Variants in CARD8 observed in about 807,000 individuals in gnomAD.
The protein encoded by CARD8 is caspase recruitment domain-containing protein 8.
A neutral mutation model predicts 53.2 loss-of-function variants in CARD8; 38 were observed. The observed-to-expected ratio is 0.71, with a 90% CI of 0.55 to 0.94. The LOEUF is 0.94. CARD8 is among the 40% of genes least tolerant of loss of function. The probability of loss-of-function intolerance (pLI) is 0.00; values close to 1 mark genes in which losing one functional copy is unlikely to be tolerated. For synonymous variants in CARD8, 245 were observed against 244.9 expected (o/e 1.00, Z 0.00); for missense variants, 561 against 655.5 (o/e 0.86, Z 1.57).
At chr19:48,234,259 C>T in intron 6 of CARD8, 144 bp downstream of exon 6, 1 of 777,008 alleles carries the variant, frequency 1.3e-6, no homozygotes, top group Admixed American at 3.1e-5. Context: ...TCAAAAATTT[C>T]TGGATTCATT....
In CARD8 at chr19:48,233,738, T is replaced by C. The variant is rs111328743; in HGVS notation, c.350+665A>G. 5.9e-3 allele frequency: 1,123 copies of C among 191,410 alleles called. 11 individuals carry two copies. Among genetic ancestry groups the C allele is most frequent in the African/African-American group, 0.025 (1,067 of 42,364 alleles). 11.9% of individuals were successfully genotyped at this position (191,410 alleles called of 1,614,324 possible). On this transcript the variant is annotated intron_variant, in intron 6 of 13. Transcript: ENST00000651546. ...TTTCAGGGCTTTTGCAACCAAGTTGTTCAACACAACCATTAGTCTAAATTA... is the reference window on the plus strand; with the variant it reads ...TTTCAGGGCTTTTGCAACCAAGTTGCTCAACACAACCATTAGTCTAAATTA...
chr19:48,254,617 G>A (rs2047346687), intron 1 of CARD8, among the ~76,000 whole-genome samples: 1 of 152,114 alleles, frequency 6.6e-6, no homozygotes, highest in Non-Finnish European at 1.5e-5. Flanking sequence ...GCTGGGTGTG[G>A]TGGTGGGCAC....
At chr19:48,221,018 AAGAAAG>A in intron 11 of CARD8, among the ~76,000 whole-genome samples, 2 of 147,140 alleles carry the variant, frequency 1.4e-5, no homozygotes, top group African/African-American at 5.1e-5. Flanking sequence ...AAAAGAAAGA[AAGAAAG>A]AGAGAAAGAG....
intron 12 of CARD8, among the ~76,000 whole-genome samples, chr19:48,218,374 TCAGA>T (rs2039793437): frequency 2.6e-5 from 2 of 76,246 alleles, no homozygotes. Context: ...TTTTTTTTTT[TCAGA>T]TGGAGTTTCG....
intron 5 of CARD8, among the ~76,000 whole-genome samples, chr19:48,234,902 G>A (rs2043601074): frequency 6.6e-6 from 1 of 152,124 alleles, no homozygotes. Context: ...GGGAAAGGAT[G>A]AGATTCCTAA....
chr19:48,231,461 C>G (rs554973940), intron 8 of CARD8, among the ~76,000 whole-genome samples, 199 bp downstream of exon 8: 2 of 152,060 alleles, frequency 1.3e-5, no homozygotes, highest in Non-Finnish European at 2.9e-5. Flanking sequence ...GGTGCCACCA[C>G]GCCTGACTAA....
chr19:48,253,107 A>G (rs1385741738), intron 1 of CARD8, among the ~76,000 whole-genome samples: 1 of 152,204 alleles, frequency 6.6e-6, no homozygotes, highest in East Asian at 1.9e-4. Flanking sequence ...ATTATACAGA[A>G]TGTTTGTGGT....
chr19:48,238,412 A>G lies in CARD8; in HGVS notation c.180T>C (p.Phe60=), dbSNP rs898230803. The change falls in exon 5 of 14, where the codon TTT becomes TTC. Residue 60 remains phenylalanine, a synonymous_variant. Coordinates refer to ENST00000651546, the MANE Select transcript of CARD8 (RefSeq NM_001184900.3). The part of the protein sequence containing the change: ...ELQYTKTGIF[F]QAEACVTNDT... ...CATTTGTCACACAGGCCTCAGCCTG[A>G]AAAAAAATTCCAGTTTTTGTGTATT... is the stretch of plus-strand genomic sequence containing the variant. The G allele has an allele frequency of 1.8e-5, 27 of 1,535,666 alleles. No homozygotes were observed. The highest frequency in any genetic ancestry group is 2.3e-5 in the Non-Finnish European group (26 of 1,146,686).
Position 48,211,967 on chromosome 19 carries a change from A to G in CARD8, c.1357T>C (p.Phe453Leu). ...SAPPPFSGAA[F>L]VKENHRQLQA... Reference sequence around the variant, plus strand: ...AGTTGCCGGTGGTTCTCCTTCACAAAGGCTGCACCTGGATGAAAGGGGGAG... The same window carrying G: ...AGTTGCCGGTGGTTCTCCTTCACAAGGGCTGCACCTGGATGAAAGGGGGAG... The change falls in exon 14 of 14, where the codon TTT becomes CTT. Residue 453 changes from phenylalanine (F) to leucine (L), a missense_variant. Physicochemically the swap from Phe to Leu is conservative, Grantham distance 22. Transcript: ENST00000651546. The G allele has an allele frequency of 6.2e-7, 1 of 1,613,034 alleles. No homozygotes were observed. Among genetic ancestry groups the G allele is most frequent in the Non-Finnish European group, 8.5e-7 (1 of 1,179,338 alleles).
intron 10 of CARD8, among the ~76,000 whole-genome samples, chr19:48,223,463 G>C (rs757138370): frequency 6.6e-6 from 1 of 152,126 alleles, no homozygotes; most frequent in Non-Finnish European, 1.5e-5. Context: ...AGGCAGAGAA[G>C]GGATGTGGAG....
chr19:48,225,333 A>T (rs892472058), intron 10 of CARD8, among the ~76,000 whole-genome samples: 1 of 151,898 alleles, frequency 6.6e-6, no homozygotes, highest in Admixed American at 6.6e-5. Flanking sequence ...TCTACTAAAA[A>T]TACAAGAATT....
chr19:48,211,653 A>G lies in CARD8; in HGVS notation c.*57T>C, dbSNP rs1250661846. On this transcript the variant is annotated 3_prime_UTR_variant, in exon 14 of 14. Coordinates refer to ENST00000651546, the MANE Select transcript of CARD8 (RefSeq NM_001184900.3). Reference sequence around the variant, plus strand: ...GAAATCAATGATCACATTTCTGTTTATCCATTTCCAATGAGAACGCTGGAT... The same window carrying G: ...GAAATCAATGATCACATTTCTGTTTGTCCATTTCCAATGAGAACGCTGGAT... 1.7e-5 allele frequency: 26 copies of G among 1,503,208 alleles called. No homozygotes were observed. The highest frequency in any genetic ancestry group is 2.4e-5 in the Non-Finnish European group (26 of 1,095,644). 93.1% of individuals were successfully genotyped at this position (1,503,208 alleles called of 1,614,324 possible). A position where few individuals can be genotyped will look rare whatever the true frequency, so the allele number is the denominator to read the frequency against.
chr19:48,245,856 C>A (rs1006976404), intron 3 of CARD8, among the ~76,000 whole-genome samples: 7 of 147,980 alleles, frequency 4.7e-5, no homozygotes, highest in Admixed American at 1.4e-4. Context: ...TGCATATCTA[C>A]ATTTAATATA....
chr19:48,234,423 T>G lies in CARD8; in HGVS notation c.330A>C (p.Leu110=), dbSNP rs757299906. The change falls in exon 6 of 14, where the codon CTA becomes CTC. Residue 110 remains leucine (L), a synonymous_variant. Transcript: ENST00000651546. ...LLFRAVPECQ[L]SGGDIPSVSE... Reference sequence around the variant, plus strand: ...CTTACCTGGGAATGTCCCCCCCAGATAGTTGACACTCAGGAACAGCACGGA... The same window carrying G: ...CTTACCTGGGAATGTCCCCCCCAGAGAGTTGACACTCAGGAACAGCACGGA... 4.3e-6 allele frequency: 7 copies of G among 1,612,620 alleles called. No homozygotes were observed. Among genetic ancestry groups the G allele is most frequent in the Non-Finnish European group, 5.9e-6 (7 of 1,179,570 alleles).
chr19:48,246,111 G>T (rs1007125657), intron 3 of CARD8, among the ~76,000 whole-genome samples: 1 of 152,024 alleles, frequency 6.6e-6, no homozygotes, highest in Non-Finnish European at 1.5e-5. Flanking sequence ...GTCTGTGACC[G>T]TTTCTTATTC....
intron 10 of CARD8, among the ~76,000 whole-genome samples, chr19:48,225,926 G>A (rs1340540460): frequency 6.6e-6 from 1 of 152,034 alleles, no homozygotes; most frequent in African/African-American, 2.4e-5. Context: ...GGTGGCGTGC[G>A]CCTATAGTCC....
At chr19:48,238,223 CT>C in intron 5 of CARD8, 159 bp downstream of exon 5, 1 of 1,310,584 alleles carries the variant, frequency 7.6e-7, no homozygotes, top group Admixed American at 2.9e-5. Flanking sequence ...GATACAAACT[CT>C]TTTGAAATAA....
chr19:48,222,642 T>C (rs916964804), intron 10 of CARD8, among the ~76,000 whole-genome samples: 11 of 151,662 alleles, frequency 7.3e-5, no homozygotes, highest in Admixed American at 5.3e-4. Context: ...TGAGCCGAGA[T>C]TGCGCCACTG....
chr19:48,228,750 C>T (rs778430499), intron 10 of CARD8, among the ~76,000 whole-genome samples: 17 of 151,850 alleles, frequency 1.1e-4, no homozygotes, highest in Admixed American at 9.8e-4. Context: ...GAGAGATTGA[C>T]GGTGGAGGGG....
Sources: gnomAD v4.1 joint callset for allele counts (sites outside exome capture counted in the v4.1 genomes callset) on GRCh38, gnomAD v4.1.1 for gene constraint, MANE v1.5 for transcripts, NCBI Gene and HGNC (gene_info 2026-07-23, HGNC 2026-07-21) for gene names.